Variants in ERGIC2 observed in about 807,000 individuals in gnomAD.
ERGIC2 encodes endoplasmic reticulum-Golgi intermediate compartment protein 2.
In ERGIC2, 31 loss-of-function variants were observed where a neutral mutation model predicts 52.5. That is an observed-to-expected ratio of 0.59 (90% CI 0.44 to 0.80). ERGIC2 has a LOEUF of 0.80. ERGIC2 is among the 30% of genes least tolerant of loss of function. ERGIC2 has a pLI of 0.00. For synonymous variants in ERGIC2, 129 were observed against 140.6 expected, an observed-to-expected ratio of 0.92 and a Z score of 0.58; for missense variants, 395 against 455.2, an observed-to-expected ratio of 0.87 and a Z score of 1.20.
At chr12:29,379,357 T>C (rs1266801412) in intron 1 of ERGIC2, among the ~76,000 whole-genome samples, 1 of 152,024 alleles carries the variant, frequency 6.6e-6, no homozygotes, top group Non-Finnish European at 1.5e-5. Context: ...TATAGAGCAA[T>C]AGAAAGGAAG....
At chr12:29,379,552 G>GT (rs375848073) in intron 1 of ERGIC2, among the ~76,000 whole-genome samples, 28 of 152,230 alleles carry the variant, frequency 1.8e-4, no homozygotes, top group African/African-American at 6.5e-4. Flanking sequence ...GGCAACATTT[G>GT]TAACTACAGA....
chr12:29,363,178 T>C (rs929335281), intron 5 of ERGIC2, among the ~76,000 whole-genome samples: 2 of 152,180 alleles, frequency 1.3e-5, no homozygotes, highest in East Asian at 3.8e-4. Flanking sequence ...AATACACAAA[T>C]TCAGCTCTGT....
chr12:29,376,473 A>G (rs1309728123), intron 1 of ERGIC2, among the ~76,000 whole-genome samples: 1 of 152,118 alleles, frequency 6.6e-6, no homozygotes. Flanking sequence ...CATTCACAAT[A>G]AAACCTTTTT....
Position 29,343,105 on chromosome 12 carries a change from GA to G in ERGIC2, c.988+14del, listed in dbSNP as rs761689526. ...ACACTTTCAGAAATTAGACAAAAAG[GA>G]AATGGTTGTTAACCTGTTGTTGAAA... On this transcript the variant is annotated intron_variant, in intron 12 of 13. Transcript: ENST00000360150. The G allele has an allele frequency of 6.4e-7, 1 of 1,560,802 alleles. No homozygotes were observed. Among genetic ancestry groups the G allele is most frequent in the Non-Finnish European group, 8.7e-7 (1 of 1,149,002 alleles).
intron 1 of ERGIC2, among the ~76,000 whole-genome samples, chr12:29,377,882 A>C (rs1176740993): frequency 1.3e-5 from 2 of 152,242 alleles, no homozygotes; most frequent in South Asian, 4.1e-4. Flanking sequence ...AAATGAAGAC[A>C]AAAGTTATTT....
At chr12:29,378,931 ATCTATT>A (rs1402918208) in intron 1 of ERGIC2, among the ~76,000 whole-genome samples, 1 of 152,198 alleles carries the variant, frequency 6.6e-6, no homozygotes, top group African/African-American at 2.4e-5. Context: ...GGCATGTAAT[ATCTATT>A]TCTAATTCTC....
At chr12:29,367,138 G>A (rs929009901) in intron 4 of ERGIC2, among the ~76,000 whole-genome samples, 191 bp from the exon 5 acceptor site, 1 of 150,522 alleles carries the variant, frequency 6.6e-6, no homozygotes, top group African/African-American at 2.4e-5. Flanking sequence ...TAGCTTAGGT[G>A]GAGATTATTC....
chr12:29,351,288 G>A (rs916197556), intron 8 of ERGIC2, among the ~76,000 whole-genome samples: 24 of 152,072 alleles, frequency 1.6e-4, no homozygotes, highest in Non-Finnish European at 3.5e-4. Context: ...TTTTCACAAG[G>A]TTTGAAATGC....
chr12:29,352,439 G>T (rs1460926121), intron 8 of ERGIC2, among the ~76,000 whole-genome samples: 1 of 152,132 alleles, frequency 6.6e-6, no homozygotes, highest in African/African-American at 2.4e-5. Context: ...AAGGTGAGTG[G>T]ATCACCTGAG....
chr12:29,356,561 T>C, intron 7 of ERGIC2, 84 bp from the exon 8 acceptor site: 1 of 659,760 alleles, frequency 1.5e-6, no homozygotes, highest in East Asian at 2.9e-5. Flanking sequence ...GAAAAAAAAA[T>C]CCCTAAAGAT....
rs114508457 is a variant in ERGIC2, at chr12:29,340,964, G to A, written c.*192C>T. On this transcript the variant is annotated 3_prime_UTR_variant, in exon 14 of 14. Coordinates refer to ENST00000360150, the MANE Select transcript of ERGIC2 (RefSeq NM_016570.3). ...CGTTTAGCTGCATGATTTCTTCTAC[G>A]ACATTTGTAACAGACACAACGTATA... The A allele has an allele frequency of 5.5e-4, 320 of 582,888 alleles. 1 individual carries two copies. In the African/African-American group the frequency reaches 5.6e-3, roughly 10 times the overall value. The allele number at this position is 582,888 out of a possible 1,614,324, so 36.1% of individuals were successfully genotyped here.
rs1344309779 is a variant in ERGIC2, at chr12:29,338,919, C to A, written c.*2237G>T. ...TGGGTAACAAAGTAGGGTATCCTGG[C>A]TGGAGGCACCTCCAGGCATAGGGAA... On this transcript the variant is annotated 3_prime_UTR_variant, in exon 14 of 14. Coordinates refer to ENST00000360150, the MANE Select transcript of ERGIC2 (RefSeq NM_016570.3). 6.6e-6 allele frequency: 1 copy of A among 152,126 alleles called. No homozygotes were observed. Among genetic ancestry groups the A allele is most frequent in the Non-Finnish European group, 1.5e-5 (1 of 68,028 alleles). The allele number at this position is 152,126 out of a possible 1,614,324, so 9.4% of individuals were successfully genotyped here. A position where few individuals can be genotyped will look rare whatever the true frequency, so the allele number is the denominator to read the frequency against.
In ERGIC2 at chr12:29,361,768, A is replaced by T. The variant is rs17659080; in HGVS notation, c.334-83T>A. The T allele has an allele frequency of 0.029, 31,924 of 1,118,022 alleles. 611 individuals carry two copies. Among genetic ancestry groups the T allele is most frequent in the South Asian group, 0.048 (2,930 of 61,038 alleles). The allele number at this position is 1,118,022 out of a possible 1,614,324, so 69.3% of individuals were successfully genotyped here. ...ATAATTTAAAATTTTTTCTTTGAGCAGGAAACATAAACTTAAGTGTTGTTA... is the reference window on the plus strand; with the variant it reads ...ATAATTTAAAATTTTTTCTTTGAGCTGGAAACATAAACTTAAGTGTTGTTA... On this transcript the variant is annotated intron_variant, in intron 5 of 13. Transcript: ENST00000360150.
chr12:29,347,033 G>A (rs1940062280), intron 10 of ERGIC2, among the ~76,000 whole-genome samples: 1 of 152,144 alleles, frequency 6.6e-6, no homozygotes, highest in Admixed American at 6.5e-5. Context: ...CACTCAAGGG[G>A]AATATGGTCT....
At chr12:29,341,497 A>T (rs1949839985) in intron 13 of ERGIC2, among the ~76,000 whole-genome samples, 1 of 152,028 alleles carries the variant, frequency 6.6e-6, no homozygotes, top group African/African-American at 2.4e-5. Flanking sequence ...TGCCCTCCCA[A>T]GTAGCTGGGA....
intron 1 of ERGIC2, among the ~76,000 whole-genome samples, chr12:29,375,304 C>T (rs1940500497): frequency 6.6e-6 from 1 of 152,158 alleles, no homozygotes; most frequent in Admixed American, 6.5e-5. Context: ...ATTGTTAGAG[C>T]AGGAACCATG....
intron 9 of ERGIC2, 62 bp downstream of exon 9, chr12:29,349,951 A>T: frequency 9.8e-7 from 1 of 1,015,614 alleles, no homozygotes; most frequent in Non-Finnish European, 1.5e-6. Context: ...CTATATCTGC[A>T]CTTTTAAAAA....
chr12:29,369,570 T>A (rs1940410608), intron 3 of ERGIC2, among the ~76,000 whole-genome samples: 1 of 152,012 alleles, frequency 6.6e-6, no homozygotes, highest in African/African-American at 2.4e-5. Flanking sequence ...AAATGTGTCT[T>A]CCTATTTGGT....
chr12:29,340,938 T>C lies in ERGIC2; in HGVS notation c.*218A>G, dbSNP rs992622378. On this transcript the variant is annotated 3_prime_UTR_variant, in exon 14 of 14. Transcript: ENST00000360150. ...GCAACACTCCAGTTGGGCTTCTTCA[T>C]CGTTTAGCTGCATGATTTCTTCTAC... 1 of 552,268 alleles carries C rather than the reference T, an allele frequency of 1.8e-6. No homozygotes were observed. The allele number at this position is 552,268 out of a possible 1,614,324, so 34.2% of individuals were successfully genotyped here.
Sources: allele counts gnomAD v4.1 joint callset (sites outside exome capture counted in the v4.1 genomes callset), GRCh38; gene constraint gnomAD v4.1.1; transcripts MANE v1.5; gene names NCBI Gene and HGNC (gene_info 2026-07-23, HGNC 2026-07-21).